Variants in ATP8B1 observed in about 807,000 individuals in gnomAD.
ATP8B1 encodes ATPase phospholipid transporting 8B1.
Under a neutral mutation model 149.9 loss-of-function variants are expected in ATP8B1, and 80 were observed. That is an observed-to-expected ratio of 0.53 (90% CI 0.45 to 0.64). ATP8B1 has a LOEUF of 0.64. Among genes scored for constraint, ATP8B1 ranks in the 30% least tolerant of loss-of-function variants. ATP8B1 has a pLI of 0.00. For missense variants in ATP8B1, 1,247 were observed against 1,552.6 expected, an observed-to-expected ratio of 0.80 and a Z score of 3.31; for synonymous variants, 536 against 562.8, an observed-to-expected ratio of 0.95 and a Z score of 0.67.
intron 6 of ATP8B1, 64 bp downstream of exon 6, chr18:57,700,975 A>G: frequency 7.0e-7 from 1 of 1,438,350 alleles, no homozygotes; most frequent in Non-Finnish European, 9.8e-7. Context: ...TTATCTCTGA[A>G]TGTGTTTCTA....
At chr18:57,695,874 A>C (rs1370021398) in intron 8 of ATP8B1, among the ~76,000 whole-genome samples, 1 of 152,232 alleles carries the variant, frequency 6.6e-6, no homozygotes, top group Non-Finnish European at 1.5e-5. Flanking sequence ...ATATTTAATC[A>C]CATTAAAATG....
At chr18:57,697,594 TC>T (rs1425284781) in intron 8 of ATP8B1, 23 bp downstream of exon 8, 10 of 1,609,894 alleles carry the variant, frequency 6.2e-6, no homozygotes, top group Non-Finnish European at 6.8e-6. Flanking sequence ...CAGCTTTAAA[TC>T]AGGCCCATCG....
At chr18:57,730,335 C>T (rs1223089432) in intron 2 of ATP8B1, among the ~76,000 whole-genome samples, 1 of 152,162 alleles carries the variant, frequency 6.6e-6, no homozygotes, top group East Asian at 1.9e-4. Context: ...AAATCCGAGG[C>T]TTCTCTGACT....
chr18:57,749,293 T>C (rs1028734119), intron 1 of ATP8B1, among the ~76,000 whole-genome samples: 2 of 152,174 alleles, frequency 1.3e-5, no homozygotes, highest in Non-Finnish European at 2.9e-5. Context: ...AGAGAATATA[T>C]ATACTTATGA....
intron 1 of ATP8B1, among the ~76,000 whole-genome samples, chr18:57,767,098 G>A (rs1341685584): frequency 1.3e-5 from 2 of 152,106 alleles, no homozygotes; most frequent in Non-Finnish European, 1.5e-5. Flanking sequence ...TATCAAAAAG[G>A]ACGTTGGAAT....
intron 12 of ATP8B1, among the ~76,000 whole-genome samples, chr18:57,691,039 G>T (rs1274462350): frequency 6.6e-6 from 1 of 152,092 alleles, no homozygotes; most frequent in African/African-American, 2.4e-5. Context: ...GCCAGACATG[G>T]TGATGGGCAC....
intron 16 of ATP8B1, 87 bp downstream of exon 16, chr18:57,674,747 G>C: frequency 6.8e-7 from 1 of 1,461,184 alleles, no homozygotes; most frequent in Non-Finnish European, 9.5e-7. Flanking sequence ...TCTTTCACTG[G>C]CTGCTTTATC....
chr18:57,784,392 G>T lies in ATP8B1; in HGVS notation c.-26+18606C>A, dbSNP rs1216140264. On this transcript the variant is annotated intron_variant, in intron 1 of 27. Transcript: ENST00000648908. The surrounding 1 kb of genome is among the most constrained non-coding windows in gnomAD (Gnocchi z 4.4). ...CCTCATGTAAGAAGGCTACTGGAAT[G>T]GTCCAGGAGAGGGAGGATGACAGCT... 6.6e-6 allele frequency among the ~76,000 whole-genome samples: 1 copy of T among 152,150 alleles called. No individual in the cohort carries two copies. Among genetic ancestry groups the T allele is most frequent in the African/African-American group, 2.4e-5 (1 of 41,416 alleles).
rs146453954 is a variant in ATP8B1 at position 57,654,067 on chromosome 18, G to A, written c.2940C>T (p.Tyr980=). 3.8e-5 allele frequency: 62 copies of A among 1,613,534 alleles called. No homozygotes were observed. Among genetic ancestry groups the A allele is most frequent in the Non-Finnish European group, 2.8e-5 (33 of 1,179,714 alleles). ...FFNGYSAQTA[Y]EDWFITLYNV... ...TGTAGAGGGTGATGAACCAATCCTC[G>A]TATGCAGTCTGTGAGGGGATGACAG... The change falls in exon 24 of 28, where the codon TAC becomes TAT. Residue 980 remains tyrosine (Y), a synonymous_variant. Transcript: ENST00000648908.
In ATP8B1 at chr18:57,751,337, T is replaced by C. The variant is rs569797498; in HGVS notation, c.-25-19505A>G. ...CAGCTGTACAAAATATATATATATA[T>C]ACTAAATTTAGCAGGGCATGGTGGT... is the stretch of plus-strand genomic sequence containing the variant. On this transcript the variant is annotated intron_variant, in intron 1 of 27. Transcript: ENST00000648908. 1.6e-3 allele frequency among the ~76,000 whole-genome samples: 240 copies of C among 151,422 alleles called. 1 individual carries two copies. Among genetic ancestry groups the C allele is most frequent in the Non-Finnish European group, 3.1e-3 (212 of 67,914 alleles).
At chr18:57,705,030 G>A (rs1352745144) in intron 3 of ATP8B1, among the ~76,000 whole-genome samples, 1 of 152,156 alleles carries the variant, frequency 6.6e-6, no homozygotes, top group African/African-American at 2.4e-5. Flanking sequence ...GTTGCAGATC[G>A]CCCCACTGCA....
intron 15 of ATP8B1, among the ~76,000 whole-genome samples, chr18:57,683,698 TCA>T (rs769003056): frequency 1.3e-5 from 2 of 152,238 alleles, no homozygotes; most frequent in Non-Finnish European, 2.9e-5. Flanking sequence ...CTTTTCACTC[TCA>T]GTCAATGCTC....
chr18:57,712,795 A>G (rs1054600300), intron 2 of ATP8B1, among the ~76,000 whole-genome samples: 1 of 151,814 alleles, frequency 6.6e-6, no homozygotes, highest in African/African-American at 2.4e-5. Flanking sequence ...TGCATCTTGG[A>G]TACCAGCTCA....
At chr18:57,774,856 C>A (rs1213171216) in intron 1 of ATP8B1, among the ~76,000 whole-genome samples, 4 of 152,198 alleles carry the variant, frequency 2.6e-5, no homozygotes, top group African/African-American at 7.2e-5. Flanking sequence ...TTGCATATAT[C>A]ATCAACGTGT....
Position 57,690,033 on chromosome 18 carries a change from C to CAACA in ATP8B1, c.1221-1530_1221-1527dup, listed in dbSNP as rs995628621. On this transcript the variant is annotated intron_variant, in intron 12 of 27. Coordinates refer to ENST00000648908, the MANE Select transcript of ATP8B1 (RefSeq NM_001374385.1). The stretch of plus-strand genomic sequence containing the variant: ...TCTGTCTCAAAACAAAACAAACAAA[C>CAACA]AACAAACAAACAAACAAAAATCAAA... Among the ~76,000 whole-genome samples the CAACA allele has an allele frequency of 1.8e-4, 27 of 149,666 alleles. No homozygotes were observed. In the South Asian group the frequency reaches 4.6e-3, roughly 25 times the overall value.
At chr18:57,753,844 C>T (rs8086419) in intron 1 of ATP8B1, among the ~76,000 whole-genome samples, 28,059 of 147,132 alleles carry the variant, frequency 0.19, 3,145 homozygotes, top group African/African-American at 0.32. Context: ...AGGAGAATTG[C>T]TTGAACCTGG....
intron 1 of ATP8B1, among the ~76,000 whole-genome samples, chr18:57,754,071 A>G (rs1277216938): frequency 6.6e-6 from 1 of 151,556 alleles, no homozygotes; most frequent in Non-Finnish European, 1.5e-5. Flanking sequence ...GAGGAGGCAT[A>G]TTTCTTCTTT....
Position 57,688,339 on chromosome 18 carries a change from G to A in ATP8B1, c.1389C>T (p.Ile463=). 6.2e-7 allele frequency: 1 copy of A among 1,614,164 alleles called. No homozygotes were observed. The highest frequency in any genetic ancestry group is 8.5e-7 in the Non-Finnish European group (1 of 1,180,032). ...SDKTGTLTQN[I]MTFKKCCING... is the part of the protein sequence containing the mutation. ...TGATACAGCACTTTTTAAAGGTCAT[G>A]ATATTTTGTGTGAGTGTCCCCGTCT... Residue 463 remains isoleucine (I), a synonymous_variant, in exon 13 of 28, where the codon ATC becomes ATT. Coordinates refer to ENST00000648908, the MANE Select transcript of ATP8B1 (RefSeq NM_001374385.1).
At chr18:57,795,291 C>T (rs2080502916) in intron 1 of ATP8B1, among the ~76,000 whole-genome samples, 1 of 151,592 alleles carries the variant, frequency 6.6e-6, no homozygotes. Context: ...TAGTCCCAGA[C>T]ATTTGGGAGG....
Sources: gnomAD v4.1 joint callset for allele counts (sites outside exome capture counted in the v4.1 genomes callset) on GRCh38, gnomAD v4.1.1 for gene constraint, Gnocchi (gnomAD v3.1) non-coding constraint, MANE v1.5 for transcripts, NCBI Gene and HGNC (gene_info 2026-07-23, HGNC 2026-07-21) for gene names.